The following GSDMC variants were observed in gnomAD, a reference collection of about 807,000 sequenced individuals.
GSDMC encodes gasdermin C, also known as gasdermin-C.
Under a neutral mutation model 58.0 loss-of-function variants are expected in GSDMC, and 59 were observed. The observed-to-expected ratio is 1.02, with a 90% confidence interval of 0.82 to 1.26. GSDMC has a LOEUF of 1.26. Ranked by LOEUF, GSDMC falls within the 50% of genes most tolerant of loss-of-function variation. The probability of loss-of-function intolerance (pLI) is 0.00; values close to 1 mark genes in which losing one functional copy is unlikely to be tolerated. For synonymous variants in GSDMC, 241 were observed against 220.2 expected (o/e 1.09, Z -0.83); for missense variants, 659 against 598.5 (o/e 1.10, Z -1.06).
intron 6 of GSDMC, among the ~76,000 whole-genome samples, chr8:129,754,594 A>G (rs902351107): frequency 1.3e-5 from 2 of 152,164 alleles, no homozygotes; most frequent in Non-Finnish European, 2.9e-5. Context: ...GGAAAACATG[A>G]CCTCACCAAT....
chr8:129,758,373 C>G (rs1287024643), intron 6 of GSDMC, among the ~76,000 whole-genome samples: 3 of 152,098 alleles, frequency 2.0e-5, no homozygotes, highest in African/African-American at 4.8e-5. Context: ...CTAGAGCAAT[C>G]AGACAAGAGA....
downstream of GSDMC, among the ~76,000 whole-genome samples, chr8:129,745,062 C>T (rs7828785): frequency 0.6 from 91,725 of 151,954 alleles, 30,494 homozygotes; most frequent in African/African-American, 0.88. Flanking sequence ...TTTCTTCCCA[C>T]TCCCTCTTAA....
the GSDMC span, chr8:129,730,410 G>A: frequency 8.6e-7 from 1 of 1,168,702 alleles, no homozygotes; most frequent in South Asian, 1.5e-5. Context: ...TGCTGATTAT[G>A]AATCTTTAGT....
intron 6 of GSDMC, among the ~76,000 whole-genome samples, chr8:129,756,256 A>AC (rs2033430150): frequency 1.4e-5 from 2 of 146,686 alleles, no homozygotes; most frequent in South Asian, 2.1e-4. Context: ...GTAAGGAGAG[A>AC]CAAAAAAAGG....
the GSDMC span, among the ~76,000 whole-genome samples, chr8:129,733,445 C>T: frequency 2.0e-5 from 3 of 152,188 alleles, no homozygotes; most frequent in East Asian, 3.9e-4. Flanking sequence ...GCGGATGCCC[C>T]TCTGGGATGA....
chr8:129,757,715 G>A (rs2033496991), intron 6 of GSDMC, among the ~76,000 whole-genome samples: 1 of 152,152 alleles, frequency 6.6e-6, no homozygotes, highest in Admixed American at 6.5e-5. Context: ...TTTACAGCCA[G>A]GTGTCATGAT....
chr8:129,726,885 A>G, the GSDMC span, among the ~76,000 whole-genome samples: 1 of 151,618 alleles, frequency 6.6e-6, no homozygotes, highest in South Asian at 2.1e-4. Flanking sequence ...CTGCAAGCCC[A>G]GTTACAGCAG....
chr8:129,749,658 G>A (rs1464556174), intron 12 of GSDMC, 133 bp from the exon 13 acceptor site: 9 of 711,800 alleles, frequency 1.3e-5, no homozygotes, highest in Non-Finnish European at 2.2e-5. Flanking sequence ...TGAAGGTCAA[G>A]CTCCCTGCCC....
the GSDMC span, among the ~76,000 whole-genome samples, chr8:129,724,791 C>T: frequency 6.6e-6 from 1 of 152,060 alleles, no homozygotes; most frequent in African/African-American, 2.4e-5. Flanking sequence ...ATCCTCCTCC[C>T]TTACTGGGGT....
At chr8:129,755,603 C>G (rs1453626670) in intron 6 of GSDMC, among the ~76,000 whole-genome samples, 5 of 152,080 alleles carry the variant, frequency 3.3e-5, no homozygotes, top group African/African-American at 1.2e-4. Flanking sequence ...GGCATGTAAA[C>G]TATTCTTAAG....
chr8:129,737,590 G>T, the GSDMC span, among the ~76,000 whole-genome samples: 3 of 152,086 alleles, frequency 2.0e-5, no homozygotes. Flanking sequence ...CTAGTCATAT[G>T]TGGAAAACTG....
the GSDMC span, among the ~76,000 whole-genome samples, chr8:129,718,258 T>A: frequency 1.3e-5 from 2 of 151,750 alleles, no homozygotes; most frequent in African/African-American, 4.8e-5. Context: ...TGGGAGAAAA[T>A]TTTTGCAATC....
At chr8:129,747,851 G>A (rs2033002367), downstream of GSDMC, among the ~76,000 whole-genome samples, 2 of 152,210 alleles carry the variant, frequency 1.3e-5, no homozygotes, top group Middle Eastern at 3.4e-3. Flanking sequence ...CTTAGGAGGC[G>A]AGGTGGCATT....
At chr8:129,771,010 C>T (rs1031649531) in intron 3 of GSDMC, among the ~76,000 whole-genome samples, 2 of 150,022 alleles carry the variant, frequency 1.3e-5, no homozygotes, top group African/African-American at 2.4e-5. Flanking sequence ...CACGCAGACA[C>T]ATTTTTTTAT....
At chr8:129,710,118 C>T in the GSDMC span, among the ~76,000 whole-genome samples, 5 of 152,126 alleles carry the variant, frequency 3.3e-5, no homozygotes, top group Admixed American at 6.6e-5. Flanking sequence ...TCTTCATGCA[C>T]GTATTTTTTT....
At chr8:129,729,366 C>T in the GSDMC span, 1 of 427,016 alleles carries the variant, frequency 2.3e-6, no homozygotes, top group Non-Finnish European at 4.3e-6. Flanking sequence ...AAGGTGCAGG[C>T]TTATTACATA....
Position 129,748,676 on chromosome 8 carries a change from T to C in GSDMC, c.1352A>G (p.Glu451Gly). 1 of 1,606,640 alleles carries C rather than the reference T, an allele frequency of 6.2e-7. No homozygotes were observed. The highest frequency in any genetic ancestry group is 8.5e-7 in the Non-Finnish European group (1 of 1,176,744). Residue 451 changes from glutamate (E) to glycine (G), a missense_variant, in exon 14 of 14, where the codon GAG becomes GGG. Coordinates refer to ENST00000276708, the MANE Select transcript of GSDMC (RefSeq NM_031415.3). ...CTCACTCTGGAGTGGGGCGAGGAGC[T>C]CAGGTTTGAGGGTGAAGGGAATGCT... ...PWSIPFTLKP[E>G]LLAPLQSEGL... is the part of the protein sequence containing the mutation.
the GSDMC span, among the ~76,000 whole-genome samples, chr8:129,726,286 A>G: frequency 3.3e-4 from 51 of 152,334 alleles, 2 homozygotes; most frequent in East Asian, 7.5e-3. Flanking sequence ...TGATATTAAT[A>G]TAAAAGGAGA....
chr8:129,713,034 A>G, the GSDMC span, among the ~76,000 whole-genome samples: 29,814 of 152,172 alleles, frequency 0.2, 3,395 homozygotes, highest in Non-Finnish European at 0.25. Flanking sequence ...GATCTTTGCT[A>G]TGCCTTTAAC....
Sources: gnomAD v4.1 joint callset for allele counts (sites outside exome capture counted in the v4.1 genomes callset) on GRCh38, gnomAD v4.1.1 for gene constraint, MANE v1.5 for transcripts, NCBI Gene and HGNC (gene_info 2026-07-23, HGNC 2026-07-21) for gene names.